Variants in DLGAP2 observed in about 807,000 individuals in gnomAD.
DLGAP2 encodes the protein disks large-associated protein 2.
In DLGAP2, 26 loss-of-function variants were observed where a neutral mutation model predicts 100.3. The observed-to-expected ratio is 0.26, with a 90% confidence interval of 0.19 to 0.36. The LOEUF (loss-of-function observed/expected upper bound fraction) is 0.36, where lower values mean the gene tolerates loss of function less well. Ranked by LOEUF, DLGAP2 falls within the 10% of genes least tolerant of loss-of-function variation. The probability of loss-of-function intolerance (pLI) is 1.00; values close to 1 mark genes in which losing one functional copy is unlikely to be tolerated. For synonymous variants in DLGAP2, 886 were observed against 630.1 expected, an observed-to-expected ratio of 1.41 and a Z score of -6.08; for missense variants, 1,858 against 1,453.2, an observed-to-expected ratio of 1.28 and a Z score of -4.53.
intron 2 of DLGAP2, among the ~76,000 whole-genome samples, chr8:1,165,078 A>C (rs1796988129): frequency 6.6e-6 from 1 of 150,612 alleles, no homozygotes; most frequent in African/African-American, 2.4e-5. Context: ...GGGCCGCTCC[A>C]GATGACATGT....
chr8:1,350,400 G>A (rs62486257), intron 3 of DLGAP2, among the ~76,000 whole-genome samples: 1 of 72,640 alleles, frequency 1.4e-5, no homozygotes, highest in African/African-American at 4.6e-5. Context: ...AGGCCGCGCG[G>A]GTCCTGACTG....
At chr8:1,088,658 T>A (rs1200021542) in intron 2 of DLGAP2, among the ~76,000 whole-genome samples, 1 of 151,098 alleles carries the variant, frequency 6.6e-6, no homozygotes, top group Non-Finnish European at 1.5e-5. Flanking sequence ...TCTCCACCCC[T>A]CATGCAGCAG....
At chr8:738,674 GGGGCTGGGCTGGGCTGGGCT>G (rs561000545) in intron 1 of DLGAP2, 1 of 149,082 alleles carries the variant, frequency 6.7e-6, no homozygotes, top group Non-Finnish European at 1.5e-5. Flanking sequence ...GCGCCCAGGT[GGGGCTGGGCTGGGCTGGGCT>G]GGGCTGGGCT....
intron 3 of DLGAP2, among the ~76,000 whole-genome samples, chr8:1,314,693 C>T (rs1020558497): frequency 6.6e-6 from 1 of 152,180 alleles, no homozygotes; most frequent in African/African-American, 2.4e-5. Context: ...CTGGGGGCCC[C>T]TCTCCCACCC....
chr8:766,293 AC>A (rs1821214292), intron 1 of DLGAP2, among the ~76,000 whole-genome samples: 1 of 151,990 alleles, frequency 6.6e-6, no homozygotes, highest in Admixed American at 6.5e-5. Flanking sequence ...TCTGCCCCAA[AC>A]CCTTTCCCAG....
chr8:939,918 G>A (rs1584906792), intron 2 of DLGAP2, among the ~76,000 whole-genome samples: 1 of 151,902 alleles, frequency 6.6e-6, no homozygotes. Flanking sequence ...TCCCATGAGG[G>A]GATGGCTGAG....
intron 12 of DLGAP2, among the ~76,000 whole-genome samples, chr8:1,690,559 C>A: frequency 6.6e-6 from 1 of 151,380 alleles, no homozygotes; most frequent in East Asian, 1.9e-4. Flanking sequence ...ACAAAATTAG[C>A]CAGGCATGGT....
At chr8:1,036,533 C>T (rs907466288) in intron 2 of DLGAP2, among the ~76,000 whole-genome samples, 1 of 152,310 alleles carries the variant, frequency 6.6e-6, no homozygotes, top group South Asian at 2.1e-4. Flanking sequence ...GGCGCTGTCC[C>T]TCAGGTGCTG....
intron 3 of DLGAP2, among the ~76,000 whole-genome samples, chr8:1,440,562 T>C (rs1797800887): frequency 6.6e-6 from 1 of 152,226 alleles, no homozygotes; most frequent in African/African-American, 2.4e-5. Flanking sequence ...GCACATTTGC[T>C]ATGACACAAA....
intron 6 of DLGAP2, among the ~76,000 whole-genome samples, chr8:1,592,250 C>T (rs894268939): frequency 5.3e-5 from 8 of 152,196 alleles, no homozygotes; most frequent in African/African-American, 2.4e-5. Context: ...ACAAAATACG[C>T]CCCCATCGGC....
intron 2 of DLGAP2, among the ~76,000 whole-genome samples, chr8:1,030,536 G>T (rs968980097): frequency 6.6e-6 from 1 of 152,150 alleles, no homozygotes; most frequent in Non-Finnish European, 1.5e-5. Context: ...TTGGGAAGAG[G>T]TGTTAGTTTA....
rs1585035966 is a variant in DLGAP2 at position 1,074,685 on chromosome 8, T to G, written c.73+166719T>G. ...TGGAAAATGGACCTCGGTATTAAAC[T>G]TTGGGGAAAGGAAGAGAGCATTTCC... On this transcript the variant is annotated intron_variant, in intron 2 of 14. Transcript: ENST00000637795. Among the ~76,000 whole-genome samples, 3 of 152,288 alleles carry G rather than the reference T, an allele frequency of 2.0e-5. No homozygotes were observed. In the South Asian group the frequency reaches 6.2e-4, roughly 32 times the overall value.
intron 2 of DLGAP2, among the ~76,000 whole-genome samples, chr8:1,172,041 T>C (rs1296976791): frequency 6.6e-6 from 1 of 152,144 alleles, no homozygotes; most frequent in Admixed American, 6.5e-5. Flanking sequence ...CTTTTCATGT[T>C]TAGTGCTTCC....
intron 1 of DLGAP2, among the ~76,000 whole-genome samples, chr8:827,848 T>C (rs1251042342): frequency 6.6e-6 from 1 of 152,204 alleles, no homozygotes; most frequent in Non-Finnish European, 1.5e-5. Context: ...GTAGGTTCTT[T>C]TCTATTTTCC....
At chr8:1,024,681 GGTTT>G (rs1471345086) in intron 2 of DLGAP2, among the ~76,000 whole-genome samples, 3 of 152,278 alleles carry the variant, frequency 2.0e-5, no homozygotes, top group Non-Finnish European at 2.9e-5. Flanking sequence ...GAGTGCGGTG[GGTTT>G]GTTCTCTCTG....
At chr8:1,239,592 C>T (rs1158316208) in intron 2 of DLGAP2, among the ~76,000 whole-genome samples, 2 of 93,320 alleles carry the variant, frequency 2.1e-5, no homozygotes, top group East Asian at 5.7e-4. Flanking sequence ...GTCTAGTTAC[C>T]TATCACATGG....
chr8:1,360,960 A>G (rs17063860), intron 3 of DLGAP2, among the ~76,000 whole-genome samples: 13,881 of 152,218 alleles, frequency 0.091, 735 homozygotes, highest in East Asian at 0.23. Flanking sequence ...CCGAGTGTCT[A>G]AAAGGGAAGT....
At chr8:1,149,383 G>A (rs1009060311) in intron 2 of DLGAP2, among the ~76,000 whole-genome samples, 14 of 152,240 alleles carry the variant, frequency 9.2e-5, no homozygotes, top group Admixed American at 3.3e-4. Flanking sequence ...TCCGGACCTC[G>A]TGATCCGCTC....
In DLGAP2 at chr8:1,701,271, G is replaced by A. The variant is rs377471676; in HGVS notation, c.3033G>A (p.Leu1011=). 1.2e-5 allele frequency: 19 copies of A among 1,583,000 alleles called. No homozygotes were observed. The highest frequency in any genetic ancestry group is 1.4e-5 in the African/African-American group (1 of 74,016). The change falls in exon 15 of 15, where the codon CTG becomes CTA. Residue 1011 remains leucine (L), a synonymous_variant. Transcript: ENST00000637795. ...FPITREKSLD[L]PDRQRQEARR... is the part of the protein sequence containing the mutation. The stretch of plus-strand genomic sequence containing the variant: ...TCACAAGAGAAAAATCCCTGGACCT[G>A]CCCGACAGACAACGCCAGGAAGCCC...
Sources: allele counts gnomAD v4.1 joint callset (sites outside exome capture counted in the v4.1 genomes callset), GRCh38; gene constraint gnomAD v4.1.1; transcripts MANE v1.5; gene names NCBI Gene and HGNC (gene_info 2026-07-23, HGNC 2026-07-21).